UGGT2: variants seen among roughly 807,000 people sequenced by gnomAD.
UGGT2 encodes the protein UDP-glucose:glycoprotein glucosyltransferase 2.
A neutral mutation model predicts 192.1 loss-of-function variants in UGGT2; 180 were observed. The observed-to-expected ratio is 0.94, with a 90% CI of 0.83 to 1.06. The LOEUF (loss-of-function observed/expected upper bound fraction) is 1.06, where lower values mean the gene tolerates loss of function less well. UGGT2 is among the 50% of genes least tolerant of loss of function. UGGT2 has a pLI of 0.00. For missense variants in UGGT2, 1,849 were observed against 1,795.7 expected, an observed-to-expected ratio of 1.03 and a Z score of -0.54; for synonymous variants, 580 against 591.0, an observed-to-expected ratio of 0.98 and a Z score of 0.27.
At position 95,819,879 on chromosome 13, in the gene UGGT2, C is replaced by T. The variant is rs144894779; in HGVS notation, c.4528+13048G>A. Among the ~76,000 whole-genome samples, 261 of 152,196 alleles carry T rather than the reference C, an allele frequency of 1.7e-3. 1 individual carries two copies. The highest frequency in any genetic ancestry group is 5.6e-3 in the African/African-American group (233 of 41,536). The stretch of plus-strand genomic sequence containing the variant: ...GTACAAAATAAGGAACGAAATAGGC[C>T]GGATGTGGTGGCCCATGCCTGTAAT... On this transcript the variant is annotated intron_variant, in intron 38 of 38. Transcript: ENST00000376747.
At chr13:95,949,170 G>C (rs963774471) in intron 13 of UGGT2, among the ~76,000 whole-genome samples, 165 bp downstream of exon 13, 1 of 152,146 alleles carries the variant, frequency 6.6e-6, no homozygotes, top group Non-Finnish European at 1.5e-5. Flanking sequence ...CAGTGACATG[G>C]CTAGTTGTTG....
Position 96,009,007 on chromosome 13 carries a change from G to C in UGGT2, c.660+4300C>G, listed in dbSNP as rs938477248. On this transcript the variant is annotated intron_variant, in intron 5 of 38. Coordinates refer to ENST00000376747, the MANE Select transcript of UGGT2 (RefSeq NM_020121.4). ...ATAAAAACAGACATACAGAGCAACA[G>C]AACAGAATAGACAGCCCAGAAATAA... is the stretch of plus-strand genomic sequence containing the variant. Among the ~76,000 whole-genome samples, 4 of 152,286 alleles carry C rather than the reference G, an allele frequency of 2.6e-5. No homozygotes were observed. In the East Asian group the frequency reaches 7.7e-4, roughly 29 times the overall value.
intron 38 of UGGT2, chr13:95,832,649 T>C: frequency 2.0e-6 from 1 of 490,160 alleles, no homozygotes. Flanking sequence ...CTCCTTTTAC[T>C]TTTATTTTTC....
Position 95,927,104 on chromosome 13 carries a change from G to C in UGGT2, c.2124C>G (p.Phe708Leu). Reference protein sequence around the residue: ...STSVTADVEDFSTFFFLDSQD... With the variant: ...STSVTADVEDLSTFFFLDSQD... ...GTGAATCCAAGAAAAAGAAAGTAGA[G>C]AAATCTTCAACATCAGCAGTTACTG... Residue 708 changes from phenylalanine (F) to leucine (L), a missense_variant, in exon 19 of 39, where the codon TTC (phenylalanine) becomes TTG (leucine). Physicochemically the swap from Phe to Leu is conservative, Grantham distance 22. Coordinates refer to ENST00000376747, the MANE Select transcript of UGGT2 (RefSeq NM_020121.4). 6.2e-7 allele frequency: 1 copy of C among 1,611,362 alleles called. No homozygotes were observed.
At chr13:95,910,630 A>T (rs1295125658) in intron 20 of UGGT2, among the ~76,000 whole-genome samples, 1 of 152,144 alleles carries the variant, frequency 6.6e-6, no homozygotes, top group Non-Finnish European at 1.5e-5. Context: ...ACTCCCACAC[A>T]ATAATAATGG....
intron 29 of UGGT2, among the ~76,000 whole-genome samples, chr13:95,875,610 C>G (rs555262744): frequency 1.3e-5 from 2 of 152,290 alleles, no homozygotes; most frequent in Non-Finnish European, 2.9e-5. Context: ...CATGTCTACC[C>G]TCTTCCTGGA....
At chr13:96,016,782 A>AG (rs1020485462) in intron 4 of UGGT2, among the ~76,000 whole-genome samples, 2 of 152,104 alleles carry the variant, frequency 1.3e-5, no homozygotes, top group African/African-American at 2.4e-5. Flanking sequence ...GAGCTAGTGG[A>AG]GGGGGGGCTG....
chr13:95,845,870 G>A (rs569635806), intron 36 of UGGT2, among the ~76,000 whole-genome samples: 21 of 152,060 alleles, frequency 1.4e-4, no homozygotes, highest in South Asian at 1.0e-3. Flanking sequence ...GATGATGGGC[G>A]GCCGGGCAGA....
intron 38 of UGGT2, among the ~76,000 whole-genome samples, chr13:95,811,773 T>C (rs1376889812): frequency 6.6e-6 from 1 of 152,142 alleles, no homozygotes; most frequent in African/African-American, 2.4e-5. Flanking sequence ...TCCTACACTA[T>C]ATATGAAACA....
chr13:95,851,959 T>C (rs772549961), intron 36 of UGGT2, among the ~76,000 whole-genome samples: 3 of 152,200 alleles, frequency 2.0e-5, no homozygotes, highest in Non-Finnish European at 4.4e-5. Context: ...AATCGAAATC[T>C]GGCATGTTAT....
At chr13:95,835,189 G>T (rs1464986116) in intron 37 of UGGT2, among the ~76,000 whole-genome samples, 1 of 152,148 alleles carries the variant, frequency 6.6e-6, no homozygotes, top group East Asian at 1.9e-4. Context: ...GCCACATAAG[G>T]CAAGTGGCTA....
At chr13:95,857,148 T>A (rs551313818) in intron 33 of UGGT2, among the ~76,000 whole-genome samples, 1 of 152,240 alleles carries the variant, frequency 6.6e-6, no homozygotes, top group East Asian at 1.9e-4. Context: ...TACTTTTTTT[T>A]AAATGCAAGA....
intron 12 of UGGT2, among the ~76,000 whole-genome samples, chr13:95,957,747 C>G (rs567485607): frequency 1.3e-5 from 2 of 152,192 alleles, no homozygotes; most frequent in Non-Finnish European, 2.9e-5. Flanking sequence ...GGTCTGTTTA[C>G]TATGTCTAGA....
chr13:95,997,047 C>T (rs943611338), intron 6 of UGGT2, among the ~76,000 whole-genome samples: 4 of 152,108 alleles, frequency 2.6e-5, no homozygotes, highest in African/African-American at 9.7e-5. Flanking sequence ...AGCAATTACG[C>T]TTACTCTTTC....
At chr13:96,036,901 C>T (rs1230166860) in intron 1 of UGGT2, among the ~76,000 whole-genome samples, 3 of 152,004 alleles carry the variant, frequency 2.0e-5, no homozygotes, top group Non-Finnish European at 4.4e-5. Context: ...ACTACAGGCA[C>T]ATGCCACCAT....
intron 2 of UGGT2, 48 bp downstream of exon 2, chr13:96,031,841 G>T: frequency 7.3e-7 from 1 of 1,368,970 alleles, no homozygotes; most frequent in Non-Finnish European, 1.0e-6. Context: ...ATTACAATGT[G>T]TGTACATAAA....
chr13:96,053,087 G>A (rs1002610092), intron 1 of UGGT2, 68 bp downstream of exon 1: 1 of 1,399,828 alleles, frequency 7.1e-7, no homozygotes, highest in Non-Finnish European at 9.2e-7. Context: ...CTGCGAGCAC[G>A]AAGAAAGCGC....
intron 36 of UGGT2, among the ~76,000 whole-genome samples, chr13:95,838,827 C>A (rs1318817748): frequency 6.6e-6 from 1 of 151,986 alleles, no homozygotes; most frequent in Admixed American, 6.6e-5. Flanking sequence ...TATACTAGAC[C>A]AAGTCTTCTA....
At chr13:95,858,544 G>T (rs961862957) in intron 33 of UGGT2, among the ~76,000 whole-genome samples, 5 of 152,128 alleles carry the variant, frequency 3.3e-5, no homozygotes, top group Admixed American at 6.6e-5. Flanking sequence ...GTTGCTGGAA[G>T]AAATAAGTGC....
Sources: gnomAD v4.1 joint callset for allele counts (sites outside exome capture counted in the v4.1 genomes callset) on GRCh38, gnomAD v4.1.1 for gene constraint, MANE v1.5 for transcripts, NCBI Gene and HGNC (gene_info 2026-07-23, HGNC 2026-07-21) for gene names.